The following MAP2 variants were observed in gnomAD, a reference collection of about 807,000 sequenced individuals.
MAP2 encodes the protein microtubule associated protein 2, also known as microtubule-associated protein 2.
MAP2 carries 14 observed loss-of-function variants against 137.6 expected under a neutral mutation model. The observed-to-expected ratio is 0.10, with a 90% CI of 0.07 to 0.16. MAP2 has a LOEUF of 0.16. Ranked by LOEUF, MAP2 falls within the 10% of genes least tolerant of loss-of-function variation. The pLI, the probability that MAP2 is intolerant of heterozygous loss-of-function variation, is 1.00. For missense variants in MAP2, 2,088 were observed against 2,191.5 expected, an observed-to-expected ratio of 0.95 and a Z score of 0.94; for synonymous variants, 786 against 782.3, an observed-to-expected ratio of 1.00 and a Z score of -0.08.
At chr2:209,638,774 A>G (rs2093771206) in intron 4 of MAP2, among the ~76,000 whole-genome samples, 1 of 152,148 alleles carries the variant, frequency 6.6e-6, no homozygotes, top group African/African-American at 2.4e-5. Flanking sequence ...TTTCAAACAC[A>G]TCTGCCTTTC....
At chr2:209,614,353 T>C (rs1330977563) in intron 3 of MAP2, among the ~76,000 whole-genome samples, 1 of 152,204 alleles carries the variant, frequency 6.6e-6, no homozygotes, top group East Asian at 1.9e-4. Flanking sequence ...CATCTATTCT[T>C]CCTTTGCCTC....
At chr2:209,644,670 C>CA (rs68166330) in intron 4 of MAP2, among the ~76,000 whole-genome samples, 2,236 of 68,078 alleles carry the variant, frequency 0.033, 41 homozygotes, top group Non-Finnish European at 0.052. Flanking sequence ...GACCCTGTCT[C>CA]AAAAAAAAAA....
chr2:209,491,200 G>A (rs1404029809), intron 1 of MAP2, among the ~76,000 whole-genome samples: 1 of 151,984 alleles, frequency 6.6e-6, no homozygotes, highest in Non-Finnish European at 1.5e-5. Context: ...ATGACTACTG[G>A]GTAAATAACA....
At chr2:209,535,074 A>C (rs192343671) in intron 2 of MAP2, among the ~76,000 whole-genome samples, 1 of 151,958 alleles carries the variant, frequency 6.6e-6, no homozygotes, top group Non-Finnish European at 1.5e-5. Flanking sequence ...CCACCCTTTC[A>C]TGTCCTCCCT....
At chr2:209,650,199 A>G (rs1297629657) in intron 4 of MAP2, among the ~76,000 whole-genome samples, 1 of 152,230 alleles carries the variant, frequency 6.6e-6, no homozygotes, top group Non-Finnish European at 1.5e-5. Context: ...TAGAACTCCT[A>G]GAGTTAAACA....
intron 2 of MAP2, among the ~76,000 whole-genome samples, chr2:209,544,581 T>C (rs2067674165): frequency 6.6e-6 from 1 of 152,234 alleles, no homozygotes; most frequent in Non-Finnish European, 1.5e-5. Flanking sequence ...CTTGAGCAAG[T>C]CATTTTACCG....
chr2:209,436,751 G>A (rs565139457), intron 1 of MAP2, among the ~76,000 whole-genome samples: 1 of 151,588 alleles, frequency 6.6e-6, no homozygotes, highest in African/African-American at 2.4e-5. Flanking sequence ...TGTTTGTGAC[G>A]TTGATTTTGT....
In MAP2 at chr2:209,693,873, G is replaced by T. The variant is rs757989765; in HGVS notation, c.1703G>T (p.Gly568Val). The T allele has an allele frequency of 1.2e-6, 2 of 1,612,412 alleles. No individual in the cohort carries two copies. The highest frequency in any genetic ancestry group is 3.4e-5 in the Admixed American group (2 of 59,652). The change falls in exon 8 of 16, where the codon GGA becomes GTA. Residue 568 changes from glycine (G) to valine (V), a missense_variant. By Grantham distance (109) the Gly-to-Val change is moderately radical. Transcript: ENST00000682079. ...ATGCCATTTTATGAAGATAAATCAG[G>T]AATGTCCAAGTACTTTGAAACATCT... Reference protein sequence around the residue: ...LDMPFYEDKSGMSKYFETSAL... With the variant: ...LDMPFYEDKSVMSKYFETSAL...
intron 2 of MAP2, among the ~76,000 whole-genome samples, chr2:209,551,991 G>A (rs1171276892): frequency 4.6e-5 from 7 of 152,106 alleles, no homozygotes; most frequent in Admixed American, 4.6e-4. Flanking sequence ...TTACCATACT[G>A]CTAGTAAGAT....
At chr2:209,482,823 G>A (rs968255556) in intron 1 of MAP2, among the ~76,000 whole-genome samples, 2 of 152,282 alleles carry the variant, frequency 1.3e-5, no homozygotes, top group Non-Finnish European at 2.9e-5. Context: ...AATATTTGTA[G>A]TAAATAAATC....
rs1042852278 is a variant in MAP2, at chr2:209,657,350, A to G, written c.262+3918A>G. ...ATTTTCAGTTCTTTGAGAAATCTCC[A>G]TACCGTTTTCCATAAAGACTGTAGT... On this transcript the variant is annotated intron_variant, in intron 5 of 15. Coordinates refer to ENST00000682079, the MANE Select transcript of MAP2 (RefSeq NM_001375505.1). Among the ~76,000 whole-genome samples, 3 of 152,220 alleles carry G rather than the reference A, an allele frequency of 2.0e-5. No individual in the cohort carries two copies. In the South Asian group the frequency reaches 6.2e-4, roughly 31 times the overall value.
chr2:209,483,686 T>C (rs985546801), intron 1 of MAP2, among the ~76,000 whole-genome samples: 1 of 152,232 alleles, frequency 6.6e-6, no homozygotes, highest in Non-Finnish European at 1.5e-5. Flanking sequence ...AAAATGATTT[T>C]TGAAATTGGA....
At chr2:209,548,056 A>G (rs1055828839) in intron 2 of MAP2, among the ~76,000 whole-genome samples, 2 of 152,206 alleles carry the variant, frequency 1.3e-5, no homozygotes, top group African/African-American at 4.8e-5. Context: ...CACCAGAAAT[A>G]AATTGAATGC....
chr2:209,459,800 G>A (rs1357249655), intron 1 of MAP2, among the ~76,000 whole-genome samples: 2 of 152,124 alleles, frequency 1.3e-5, no homozygotes, highest in African/African-American at 2.4e-5. Flanking sequence ...TAGTCTTCAT[G>A]CCTGCAGGAC....
chr2:209,703,152 C>T (rs1273947860), intron 11 of MAP2, among the ~76,000 whole-genome samples: 1 of 152,052 alleles, frequency 6.6e-6, no homozygotes, highest in Non-Finnish European at 1.5e-5. Context: ...CATAACACAT[C>T]ATGCAGACTC....
rs189858485 is a variant in MAP2 at position 209,605,999 on chromosome 2, A to G, written c.-106-19054A>G. ...GGGTAAAGTTAGTGTTAACCGCTGG[A>G]TAGATAGATGCATGTTCATGTAAAT... is the stretch of plus-strand genomic sequence containing the variant. On this transcript the variant is annotated intron_variant, in intron 3 of 15. Transcript: ENST00000682079. Among the ~76,000 whole-genome samples the G allele has an allele frequency of 7.9e-4, 121 of 152,264 alleles. 1 individual carries two copies. Among genetic ancestry groups the G allele is most frequent in the Admixed American group, 7.9e-3 (121 of 15,284 alleles).
chr2:209,660,105 CT>C (rs997095454), intron 5 of MAP2, among the ~76,000 whole-genome samples: 12 of 152,104 alleles, frequency 7.9e-5, no homozygotes, highest in African/African-American at 2.9e-4. Flanking sequence ...CAGCAATCCC[CT>C]TGGGTAAATG....
At chr2:209,518,506 G>A (rs537846258) in intron 2 of MAP2, among the ~76,000 whole-genome samples, 3 of 152,128 alleles carry the variant, frequency 2.0e-5, no homozygotes, top group Non-Finnish European at 4.4e-5. Context: ...GGACTCAGAA[G>A]TTGAGAAACC....
intron 3 of MAP2, among the ~76,000 whole-genome samples, chr2:209,600,863 A>G (rs1286618106): frequency 6.6e-6 from 1 of 152,174 alleles, no homozygotes; most frequent in Non-Finnish European, 1.5e-5. Context: ...CATTTGAGCT[A>G]GGATTGTGAC....
Sources: gnomAD v4.1 joint callset for allele counts (sites outside exome capture counted in the v4.1 genomes callset) on GRCh38, gnomAD v4.1.1 for gene constraint, MANE v1.5 for transcripts, NCBI Gene and HGNC (gene_info 2026-07-23, HGNC 2026-07-21) for gene names.